GNAS: variants seen among roughly 807,000 people sequenced by gnomAD.
The protein encoded by GNAS is GNAS complex locus.
A neutral mutation model predicts 54.5 loss-of-function variants in GNAS; 8 were observed. That is an observed-to-expected ratio of 0.15 (90% CI 0.09 to 0.26). The LOEUF (loss-of-function observed/expected upper bound fraction) is 0.26. Ranked by LOEUF, GNAS falls within the 10% of genes least tolerant of loss-of-function variation. The pLI is 1.00. For synonymous variants in GNAS, 204 were observed against 191.4 expected, an observed-to-expected ratio of 1.07 and a Z score of -0.54; for missense variants, 170 against 529.8, an observed-to-expected ratio of 0.32 and a Z score of 6.67.
intron 1 of GNAS, among the ~76,000 whole-genome samples, chr20:58,892,941 C>T (rs1191404981): frequency 5.7e-5 from 8 of 139,910 alleles, no homozygotes; most frequent in East Asian, 2.4e-4. Context: ...AACACATTTT[C>T]CTGCTGGCTG....
Position 58,841,833 on chromosome 20 carries a change from C to T in GNAS, c.43+947C>T, listed in dbSNP as rs2085742029. Reference sequence around the variant, plus strand: ...AGCAGGAGACGTCCTGGGCTGTTTGCGCAGGACCTCTGGAGGCCCTCGAGA... The same window carrying T: ...AGCAGGAGACGTCCTGGGCTGTTTGTGCAGGACCTCTGGAGGCCCTCGAGA... On this transcript the variant is annotated intron_variant, in intron 1 of 12. Transcript: ENST00000306090. The surrounding 1 kb of genome is among the most constrained non-coding windows in gnomAD (Gnocchi z 5.0). 11 of 1,230,896 alleles carry T rather than the reference C, an allele frequency of 8.9e-6. No individual in the cohort carries two copies. Among genetic ancestry groups the T allele is most frequent in the Non-Finnish European group, 1.0e-5 (10 of 987,942 alleles). The allele number at this position is 1,230,896 out of a possible 1,614,324, so 76.2% of individuals were successfully genotyped here.
At chr20:58,868,337 A>G (rs564198148) in intron 1 of GNAS, among the ~76,000 whole-genome samples, 6 of 150,954 alleles carry the variant, frequency 4.0e-5, no homozygotes, top group Admixed American at 1.3e-4. Flanking sequence ...TCTTTTTAGT[A>G]GAGATGGGGT....
chr20:58,901,050 C>T (rs56352200), intron 3 of GNAS, among the ~76,000 whole-genome samples: 3,802 of 152,288 alleles, frequency 0.025, 79 homozygotes, highest in Non-Finnish European at 0.037. Context: ...GAAATACTTT[C>T]TCTTGCTGTA....
At chr20:58,866,706 T>A (rs971541833) in intron 1 of GNAS, among the ~76,000 whole-genome samples, 3 of 152,228 alleles carry the variant, frequency 2.0e-5, no homozygotes, top group Non-Finnish European at 2.9e-5. Flanking sequence ...GTTTTCAAAT[T>A]GAAACATCTG....
intron 1 of GNAS, chr20:58,895,211 T>C (rs1037310484): frequency 1.2e-5 from 4 of 321,150 alleles, no homozygotes; most frequent in African/African-American, 6.5e-5. Context: ...TGTCTAGATA[T>C]GTTTATGTGT....
At chr20:58,886,814 T>C (rs934753181), upstream of GNAS, among the ~76,000 whole-genome samples, 3 of 152,242 alleles carry the variant, frequency 2.0e-5, no homozygotes, top group African/African-American at 7.2e-5. Context: ...GTCATTTGCT[T>C]ACCTGTAAAC....
At chr20:58,861,126 T>G (rs1284136108) in intron 1 of GNAS, among the ~76,000 whole-genome samples, 3 of 152,248 alleles carry the variant, frequency 2.0e-5, no homozygotes, top group Admixed American at 2.0e-4. Context: ...CAAATGCCTC[T>G]AAATAACTCT....
At chr20:58,884,347 T>C (rs2088447658) in intron 1 of GNAS, 1 of 152,182 alleles carries the variant, frequency 6.6e-6, no homozygotes, top group Non-Finnish European at 1.5e-5. Flanking sequence ...TTTGAAGAAG[T>C]GAATACCATG....
chr20:58,883,158 T>C (rs2088356466), intron 1 of GNAS: 1 of 152,264 alleles, frequency 6.6e-6, no homozygotes. Flanking sequence ...TCCTAATAAA[T>C]GAATTGGCCA....
chr20:58,896,883 A>C (rs576603279), intron 2 of GNAS, among the ~76,000 whole-genome samples: 7 of 152,164 alleles, frequency 4.6e-5, no homozygotes, highest in African/African-American at 1.7e-4. Flanking sequence ...ACCACCCCCC[A>C]AAAAAACAAA....
At chr20:58,844,017 T>C (rs1354836816) in intron 1 of GNAS, 1 of 152,236 alleles carries the variant, frequency 6.6e-6, no homozygotes, top group Non-Finnish European at 1.5e-5. Flanking sequence ...TCTTCAGCCT[T>C]CATTTTCTGC....
intron 1 of GNAS, among the ~76,000 whole-genome samples, chr20:58,878,473 A>AT (rs2087986916): frequency 6.6e-6 from 1 of 152,206 alleles, no homozygotes; most frequent in African/African-American, 2.4e-5. Context: ...TACTTCTTAC[A>AT]TTTAGCAAGA....
chr20:58,900,471 C>T (rs1601085940), intron 3 of GNAS: 1 of 189,552 alleles, frequency 5.3e-6, no homozygotes, highest in Non-Finnish European at 1.1e-5. Context: ...CCCACCAAAG[C>T]ACAAGGATTA....
rs944692589 is a variant in GNAS at position 58,873,154 on chromosome 20, T to G, written c.44-22458T>G. Among the ~76,000 whole-genome samples the G allele has an allele frequency of 6.6e-6, 1 of 152,166 alleles. No homozygotes were observed. On this transcript the variant is annotated intron_variant, in intron 1 of 12. Transcript: ENST00000306090. The surrounding 1 kb of genome is among the most constrained non-coding windows in gnomAD (Gnocchi z 4.3). Reference sequence around the variant, plus strand: ...AAAATGGCTGATTAGGGGCCAGTGTTGGGGAAAATAATTGCTGATCTAATA... The same window carrying G: ...AAAATGGCTGATTAGGGGCCAGTGTGGGGGAAAATAATTGCTGATCTAATA...
At chr20:58,889,313 C>A (rs2088877367), upstream of GNAS, 2 of 989,684 alleles carry the variant, frequency 2.0e-6, no homozygotes, top group East Asian at 1.1e-4. Flanking sequence ...GGCGGGCGGC[C>A]GGCAGGCGCT....
At chr20:58,888,465 T>G (rs1431280138), upstream of GNAS, 1 of 152,192 alleles carries the variant, frequency 6.6e-6, no homozygotes. Context: ...TGCTATATCC[T>G]AGTGTGCGGC....
chr20:58,852,962 A>G (rs1226067311), intron 1 of GNAS: 2 of 1,118,200 alleles, frequency 1.8e-6, no homozygotes, highest in East Asian at 4.2e-5. Flanking sequence ...GAGCAAAAAG[A>G]AAGAGAGAGG....
At chr20:58,854,730 C>G in intron 1 of GNAS, 2 of 1,536,680 alleles carry the variant, frequency 1.3e-6, no homozygotes, top group Non-Finnish European at 1.7e-6. Context: ...CCATGTCGCC[C>G]CAGCTGCGCC....
In GNAS at chr20:58,910,793, T is replaced by A; in HGVS notation, c.1149T>A (p.Ile383=). 1 of 1,614,214 alleles carries A rather than the reference T, an allele frequency of 6.2e-7. No homozygotes were observed. The highest frequency in any genetic ancestry group is 8.5e-7 in the Non-Finnish European group (1 of 1,180,036). The change falls in exon 13 of 13, where the codon ATT becomes ATA. Residue 383 remains isoleucine (I), a synonymous_variant. Coordinates refer to ENST00000371085, the MANE Select transcript of GNAS (RefSeq NM_000516.7). The surrounding 1 kb of genome is among the most constrained non-coding windows in gnomAD (Gnocchi z 5.8). The part of the protein sequence containing the change: ...RRVFNDCRDI[I]QRMHLRQYEL... ...TGTTCAACGACTGCCGTGACATCAT[T>A]CAGCGCATGCACCTTCGTCAGTACG...
Sources: allele counts gnomAD v4.1 joint callset (sites outside exome capture counted in the v4.1 genomes callset), GRCh38; gene constraint gnomAD v4.1.1; non-coding constraint Gnocchi (gnomAD v3.1); transcripts MANE v1.5; gene names NCBI Gene and HGNC (gene_info 2026-07-23, HGNC 2026-07-21).